CFH: variants seen among roughly 807,000 people sequenced by gnomAD.
The protein encoded by CFH is complement factor H, also known as H factor 1 (complement).
Under a neutral mutation model 147.3 loss-of-function variants are expected in CFH, and 53 were observed. The observed-to-expected ratio is 0.36, with a 90% confidence interval of 0.29 to 0.45. The LOEUF is 0.45. Among genes scored for constraint, CFH ranks in the 20% least tolerant of loss-of-function variants. CFH has a pLI of 1.00. For missense variants in CFH, 1,380 were observed against 1,498.0 expected (o/e 0.92, Z 1.30); for synonymous variants, 536 against 489.4 (o/e 1.10, Z -1.26).
At position 196,742,055 on chromosome 1, in the gene CFH, C is replaced by G. The variant is rs374729595; in HGVS notation, c.3133+4C>G. The stretch of plus-strand genomic sequence containing the variant: ...ACAGGAAGGCCAACATGCAGAGGTA[C>G]TTTGGTGAATTTTCAAAATTTATTT... On this transcript the variant is annotated splice_donor_region_variant and intron_variant, in intron 19 of 21. Transcript: ENST00000367429. The G allele has an allele frequency of 3.0e-4, 491 of 1,613,728 alleles. No individual in the cohort carries two copies. Among genetic ancestry groups the G allele is most frequent in the Non-Finnish European group, 3.7e-4 (439 of 1,179,830 alleles).
intron 11 of CFH, among the ~76,000 whole-genome samples, chr1:196,719,506 C>A (rs996525446): frequency 2.6e-5 from 4 of 151,846 alleles, no homozygotes; most frequent in Admixed American, 2.6e-4. Flanking sequence ...TATTTTGTGA[C>A]ATTACTTTTA....
chr1:196,710,718 T>A (rs542678729), intron 9 of CFH, among the ~76,000 whole-genome samples: 41 of 152,264 alleles, frequency 2.7e-4, no homozygotes, highest in Non-Finnish European at 4.4e-4. Context: ...TAGTATTAAA[T>A]TTTTCAATCC....
At chr1:196,732,723 C>T (rs1669308289) in intron 15 of CFH, among the ~76,000 whole-genome samples, 1 of 151,964 alleles carries the variant, frequency 6.6e-6, no homozygotes, top group Non-Finnish European at 1.5e-5. Context: ...TAGAATGTGC[C>T]ACATCTTTTC....
chr1:196,669,424 T>C (rs1275809700), intron 1 of CFH, among the ~76,000 whole-genome samples: 1 of 152,168 alleles, frequency 6.6e-6, no homozygotes, highest in Non-Finnish European at 1.5e-5. Context: ...ACAGGCCTGG[T>C]TGCCTCGGAA....
intron 1 of CFH, among the ~76,000 whole-genome samples, chr1:196,670,130 T>C (rs560315616): frequency 2.0e-5 from 3 of 152,330 alleles, no homozygotes; most frequent in East Asian, 3.9e-4. Context: ...GATGGGAGCA[T>C]TTACCCAATG....
In CFH at chr1:196,689,262, T is replaced by TATGAGATATAGAA. The variant is rs528929275; in HGVS notation, c.965-158_965-157insATGAGATATAGAA. Among the ~76,000 whole-genome samples the TATGAGATATAGAA allele has an allele frequency of 1.7e-3, 261 of 152,272 alleles. 1 individual carries two copies. The highest frequency in any genetic ancestry group is 6.8e-3 in the Middle Eastern group (2 of 294). On this transcript the variant is annotated intron_variant, in intron 7 of 21. Coordinates refer to ENST00000367429, the MANE Select transcript of CFH (RefSeq NM_000186.4). ...AAGACCTTCTTGTTACATATCTCAG[T>TATGAGATATAGAA]CATCTGAGTTCTATCATTTGTTTTG...
intron 11 of CFH, among the ~76,000 whole-genome samples, chr1:196,723,166 T>C (rs758311576): frequency 1.4e-4 from 21 of 152,272 alleles, no homozygotes; most frequent in Middle Eastern, 6.8e-3. Context: ...CTTCCAGAAA[T>C]GTTTCAGTGG....
intron 11 of CFH, among the ~76,000 whole-genome samples, chr1:196,720,546 T>C (rs796186747): frequency 2.0e-4 from 30 of 152,144 alleles, no homozygotes; most frequent in African/African-American, 7.0e-4. Context: ...TTTTACTTTC[T>C]GAATCTGAAT....
intron 11 of CFH, among the ~76,000 whole-genome samples, chr1:196,719,990 C>T (rs923640560): frequency 4.0e-5 from 6 of 151,424 alleles, no homozygotes; most frequent in Non-Finnish European, 8.9e-5. Context: ...TTACATTAAA[C>T]AAAAATACCA....
At chr1:196,741,854 T>C (rs1297156211) in intron 18 of CFH, 21 bp from the exon 19 acceptor site, 7 of 1,611,758 alleles carry the variant, frequency 4.3e-6, no homozygotes, top group Non-Finnish European at 5.9e-6. Context: ...GCGGAACAAA[T>C]ACATATTTTT....
At chr1:196,664,110 C>T (rs1216112220) in intron 1 of CFH, among the ~76,000 whole-genome samples, 2 of 152,046 alleles carry the variant, frequency 1.3e-5, no homozygotes, top group Non-Finnish European at 2.9e-5. Flanking sequence ...GGCTGGAGTG[C>T]GGTGACATGA....
At chr1:196,679,041 G>A (rs1667555878) in intron 5 of CFH, 1 of 152,884 alleles carries the variant, frequency 6.5e-6, no homozygotes, top group East Asian at 1.9e-4. Flanking sequence ...ATTAGAAAGT[G>A]GGAGAACAGA....
Position 196,690,225 on chromosome 1 carries a change from G to A in CFH, c.1322G>A (p.Arg441Lys). 6.2e-7 allele frequency: 1 copy of A among 1,613,282 alleles called. No individual in the cohort carries two copies. ...CMENGWSPTP[R>K]CIRVKTCSKS... ...GAGAATGGCTGGTCTCCTACTCCCA[G>A]ATGCATCCGTGTCAGTAAGTACACT... The change falls in exon 9 of 22, where the codon AGA (arginine) becomes AAA (lysine). Residue 441 changes from arginine to lysine, a missense_variant. By Grantham distance (26) the Arg-to-Lys change is conservative (BLOSUM62 2). Coordinates refer to ENST00000367429, the MANE Select transcript of CFH (RefSeq NM_000186.4).
At chr1:196,667,635 A>G (rs1233453120) in intron 1 of CFH, among the ~76,000 whole-genome samples, 1 of 152,100 alleles carries the variant, frequency 6.6e-6, no homozygotes, top group African/African-American at 2.4e-5. Context: ...TTATCCAGTC[A>G]GACAATCTTT....
At chr1:196,703,571 T>C (rs973944224) in intron 9 of CFH, among the ~76,000 whole-genome samples, 3 of 152,172 alleles carry the variant, frequency 2.0e-5, no homozygotes, top group African/African-American at 7.2e-5. Flanking sequence ...TATTTGGTGT[T>C]AAATATCTGG....
intron 10 of CFH, 58 bp from the exon 11 acceptor site, chr1:196,715,535 A>G (rs1308054370): frequency 4.5e-6 from 6 of 1,326,708 alleles, no homozygotes; most frequent in Non-Finnish European, 6.5e-6. Flanking sequence ...AATGGGAAAT[A>G]CTCAGATTGT....
intron 9 of CFH, 121 bp downstream of exon 9, chr1:196,690,360 G>T (rs750121894): frequency 1.4e-6 from 2 of 1,425,270 alleles, no homozygotes; most frequent in Non-Finnish European, 2.0e-6. Context: ...TTTACCAATG[G>T]ACCTATTTAG....
chr1:196,677,795 G>T (rs572850328), intron 5 of CFH, 128 bp downstream of exon 5: 7 of 875,652 alleles, frequency 8.0e-6, no homozygotes, highest in Middle Eastern at 2.9e-4. Context: ...CTTACTATCT[G>T]CCTGTAATTG....
At chr1:196,702,056 A>T (rs573192204) in intron 9 of CFH, among the ~76,000 whole-genome samples, 2 of 152,284 alleles carry the variant, frequency 1.3e-5, no homozygotes, top group Non-Finnish European at 2.9e-5. Context: ...ATGTAGAAAA[A>T]GGTAAAATCA....
Sources: gnomAD v4.1 joint callset for allele counts (sites outside exome capture counted in the v4.1 genomes callset) on GRCh38, gnomAD v4.1.1 for gene constraint, MANE v1.5 for transcripts, NCBI Gene and HGNC (gene_info 2026-07-23, HGNC 2026-07-21) for gene names.